The following TTN variants were observed in gnomAD, a reference collection of about 807,000 sequenced individuals.
TTN encodes connectin.
Under a neutral mutation model 3,223.0 loss-of-function variants are expected in TTN, and 1,525 were observed. The ratio of observed to expected loss-of-function variants is 0.47; its 90% CI spans 0.45 to 0.49. The LOEUF is 0.49. Among genes scored for constraint, TTN ranks in the 20% least tolerant of loss-of-function variants. The pLI, the probability that TTN is intolerant of heterozygous loss-of-function variation, is 0.00. For missense variants in TTN, 40,786 were observed against 43,424.0 expected, an observed-to-expected ratio of 0.94 and a Z score of 5.40; for synonymous variants, 14,094 against 15,161.0, an observed-to-expected ratio of 0.93 and a Z score of 5.17.
Position 178,614,117 on chromosome 2 carries a change from G to A in TTN, c.49280C>T (p.Ala16427Val). The A allele has an allele frequency of 3.1e-6, 5 of 1,612,370 alleles. No individual in the cohort carries two copies. The highest frequency in any genetic ancestry group is 4.2e-6 in the Non-Finnish European group (5 of 1,179,214). ...PNKEYIFRVA[A>V]ENMYGVGEPV... ...TTCACCAACACCATACATGTTTTCTGCAGCAACTCTGAAGATGTACTCTTT... is the reference window on the plus strand; with the variant it reads ...TTCACCAACACCATACATGTTTTCTACAGCAACTCTGAAGATGTACTCTTT... The change falls in exon 262 of 363, where the codon GCA becomes GTA. Residue 16427 changes from alanine (A) to valine (V), a missense_variant. Ala to Val is a moderately conservative substitution (Grantham distance 64). Transcript: ENST00000589042.
rs1159790651 is a variant in TTN, at chr2:178,564,829, G to A, written c.81303C>T (p.Gly27101=). The change falls in exon 326 of 363, where the codon GGC becomes GGT. Residue 27101 remains glycine, a synonymous_variant. Coordinates refer to ENST00000589042, the MANE Select transcript of TTN (RefSeq NM_001267550.2). ...CAAGATGGTAGCCAATAATTTTGGT[G>A]CCTCCATCATTCACTGGCTCATGCC... is the stretch of plus-strand genomic sequence containing the variant. ...VQWHEPVNDG[G]TKIIGYHLEQ... 2 of 1,612,962 alleles carry A rather than the reference G, an allele frequency of 1.2e-6. No homozygotes were observed. The highest frequency in any genetic ancestry group is 1.7e-6 in the Non-Finnish European group (2 of 1,179,538).
At chr2:178,692,694 A>G in intron 119 of TTN, 114 bp from the exon 120 acceptor site, 1 of 747,070 alleles carries the variant, frequency 1.3e-6, no homozygotes, top group Non-Finnish European at 2.1e-6. Context: ...ATGCAAGAAA[A>G]TTATGCTTTA....
At position 178,545,837 on chromosome 2, in the gene TTN, A is replaced by G; in HGVS notation, c.95399T>C (p.Val31800Ala). The change falls in exon 343 of 363, where the codon GTA becomes GCA. Residue 31800 changes from valine (V) to alanine (A), a missense_variant. By Grantham distance (64) the Val-to-Ala change is moderately conservative (BLOSUM62 0). Transcript: ENST00000589042. ...PGVPVESEPI[V>A]ARNSFTIPSP... is the part of the protein sequence containing the mutation. ...ATACTTACTGAATGAGTTTCTGGCT[A>G]CAATTGGCTCTGATTCAACAGGCAC... The G allele has an allele frequency of 1.9e-6, 3 of 1,613,348 alleles. No individual in the cohort carries two copies. The highest frequency in any genetic ancestry group is 2.5e-6 in the Non-Finnish European group (3 of 1,179,362).
intron 47 of TTN, chr2:178,742,939 A>T (rs1007228729): frequency 1.3e-5 from 2 of 151,964 alleles, no homozygotes; most frequent in Non-Finnish European, 2.9e-5. Context: ...TACTGGAGAA[A>T]CTCATCTATA....
At chr2:178,619,409 G>A in intron 250 of TTN, 2 of 602,008 alleles carry the variant, frequency 3.3e-6, no homozygotes, top group Non-Finnish European at 5.7e-6. Context: ...ACTAGCAACT[G>A]TCCAAGGCTC....
In TTN at chr2:178,689,498, G is replaced by T. The variant is rs1046902227; in HGVS notation, c.31927+17C>A. On this transcript the variant is annotated intron_variant, in intron 123 of 362. Transcript: ENST00000589042. ...GAAGGAAAGACAAGGTTATTTCATG[G>T]AGATGGGATTAAGTACCTGCTGGTG... 3.1e-6 allele frequency: 5 copies of T among 1,606,410 alleles called. No homozygotes were observed. The highest frequency in any genetic ancestry group is 4.3e-6 in the Non-Finnish European group (5 of 1,175,532).
chr2:178,550,725 T>G (rs1699104239), intron 336 of TTN: 1 of 519,424 alleles, frequency 1.9e-6, no homozygotes, highest in African/African-American at 1.9e-5. Flanking sequence ...ATTACAAAGC[T>G]AAAAACTCAT....
chr2:178,582,981 G>A lies in TTN; in HGVS notation c.65822C>T (p.Ser21941Leu). 6.4e-7 allele frequency: 1 copy of A among 1,553,116 alleles called. No individual in the cohort carries two copies. The highest frequency in any genetic ancestry group is 8.7e-7 in the Non-Finnish European group (1 of 1,146,810). The stretch of plus-strand genomic sequence containing the variant: ...AATGGTGGCTGATTTAGAACCACTT[G>A]AATTTTCAGCAGTAATGGTATAGTC... ...SGDYTITAEN[S>L]SGSKSATIKL... Residue 21941 changes from serine to leucine, a missense_variant, in exon 313 of 363, where the codon TCA (serine) becomes TTA (leucine). Coordinates refer to ENST00000589042, the MANE Select transcript of TTN (RefSeq NM_001267550.2).
intron 349 of TTN, 112 bp from the exon 350 acceptor site, chr2:178,541,696 G>T: frequency 1.3e-6 from 1 of 785,734 alleles, no homozygotes; most frequent in Non-Finnish European, 1.8e-6. Context: ...GGTACATAAG[G>T]CACATGACTA....
In TTN at chr2:178,734,682, C is replaced by G; in HGVS notation, c.15217+25G>C. 1.9e-6 allele frequency: 3 copies of G among 1,583,342 alleles called. No individual in the cohort carries two copies. The African/African-American group carries it at 4.1e-5, about 21-fold the overall frequency. ...AGGGAAATCTTTTCTCAGAAAAATA[C>G]TGGATGGAAACTCAGTAAACAAACC... On this transcript the variant is annotated intron_variant, in intron 51 of 362. Coordinates refer to ENST00000589042, the MANE Select transcript of TTN (RefSeq NM_001267550.2).
Position 178,616,919 on chromosome 2 carries a change from T to C in TTN, c.47970A>G (p.Pro15990=), listed in dbSNP as rs762054306. Residue 15990 remains proline, a synonymous_variant, in exon 256 of 363, where the codon CCA becomes CCG. Transcript: ENST00000589042. ...CAAAACACCAGGTTGCAGTTGGCCT[T>C]GGATAGCCTGTACTTGGAACCAGGA... ...ITILVPSTGY[P]RPTATWCFGD... The C allele has an allele frequency of 2.5e-6, 4 of 1,612,760 alleles. No homozygotes were observed. Among genetic ancestry groups the C allele is most frequent in the South Asian group, 1.1e-5 (1 of 91,058 alleles).
At chr2:178,705,004 CAA>C in intron 103 of TTN, 38 bp from the exon 104 acceptor site, 1 of 1,606,966 alleles carries the variant, frequency 6.2e-7, no homozygotes, top group Non-Finnish European at 8.5e-7. Flanking sequence ...ACAGATGAAA[CAA>C]AATTTGATTT....
In TTN at chr2:178,569,630, A is replaced by G. The variant is rs768730615; in HGVS notation, c.76502T>C (p.Val25501Ala). ...GTCTGGTGCTTCTAATTTTTCTTCA[A>G]CTATAATAGGTCCAGGGACGTCAGC... Reference protein sequence around the residue: ...EHADVPGPIIVEEKLEAPDID... With the variant: ...EHADVPGPIIAEEKLEAPDID... Residue 25501 changes from valine to alanine, a missense_variant, in exon 326 of 363, where the codon GTT becomes GCT. Physicochemically the swap from Val to Ala is moderately conservative, Grantham distance 64. Transcript: ENST00000589042. The G allele has an allele frequency of 1.2e-6, 2 of 1,611,916 alleles. No homozygotes were observed. Among genetic ancestry groups the G allele is most frequent in the East Asian group, 2.2e-5 (1 of 44,600 alleles).
intron 75 of TTN, 52 bp downstream of exon 75, chr2:178,722,994 T>C (rs1408490099): frequency 5.6e-6 from 9 of 1,599,910 alleles, no homozygotes; most frequent in South Asian, 3.4e-5. Flanking sequence ...AAAGAAACTA[T>C]GCTACATGTT....
At chr2:178,744,359 A>G (rs2083053116) in intron 47 of TTN, 1 of 983,432 alleles carries the variant, frequency 1.0e-6, no homozygotes, top group Admixed American at 6.2e-5. Context: ...TGTATTGTTG[A>G]ATGATCACCT....
chr2:178,665,104 T>C (rs1405732577), intron 165 of TTN, among the ~76,000 whole-genome samples, 178 bp from the exon 166 acceptor site: 1 of 152,054 alleles, frequency 6.6e-6, no homozygotes, highest in African/African-American at 2.4e-5. Context: ...GTGCTCCCCC[T>C]CCTCCAGAAC....
In TTN at chr2:178,724,558, C is replaced by A. The variant is rs373026575; in HGVS notation, c.20837-20G>T. ...CGGGCTCTGAAATAAAACGTGATAT[C>A]CATCTGTCAAAGTCTGGGATCTTTA... On this transcript the variant is annotated intron_variant, in intron 71 of 362. Transcript: ENST00000589042. 23 of 1,557,124 alleles carry A rather than the reference C, an allele frequency of 1.5e-5. No homozygotes were observed. The South Asian group carries it at 2.1e-4, about 14-fold the overall frequency.
At chr2:178,717,422 A>G (rs560958952) in intron 87 of TTN, 40 bp from the exon 88 acceptor site, 1 of 1,581,580 alleles carries the variant, frequency 6.3e-7, no homozygotes, top group African/African-American at 1.4e-5. Context: ...TTTTATTTCC[A>G]TGCTCTCACA....
Position 178,631,218 on chromosome 2 carries a change from G to C in TTN, c.43830C>G (p.Ser14610Arg). Residue 14610 changes from serine to arginine, a missense_variant, in exon 237 of 363, where the codon AGC becomes AGG. Coordinates refer to ENST00000589042, the MANE Select transcript of TTN (RefSeq NM_001267550.2). ...KDEVILQCEI[S>R]KADAPVKWFK... ...ACCATTTCACTGGTGCATCTGCTTT[G>C]CTAATTTCACACTGTAGAATAACTT... 1.2e-6 allele frequency: 2 copies of C among 1,612,920 alleles called. No homozygotes were observed. Among genetic ancestry groups the C allele is most frequent in the African/African-American group, 1.3e-5 (1 of 74,986 alleles).
Sources: gnomAD v4.1 joint callset for allele counts (sites outside exome capture counted in the v4.1 genomes callset) on GRCh38, gnomAD v4.1.1 for gene constraint, MANE v1.5 for transcripts, NCBI Gene and HGNC (gene_info 2026-07-23, HGNC 2026-07-21) for gene names.